Variants in PRKG1 observed in about 807,000 individuals in gnomAD.
PRKG1 encodes the protein protein kinase cGMP-dependent 1.
In PRKG1, 35 loss-of-function variants were observed where a neutral mutation model predicts 88.1. The observed-to-expected ratio is 0.40, with a 90% CI of 0.30 to 0.53. PRKG1 has a LOEUF of 0.53. Among genes scored for constraint, PRKG1 ranks in the 20% least tolerant of loss-of-function variants. The pLI, the probability that PRKG1 is intolerant of heterozygous loss-of-function variation, is 0.59. For synonymous variants in PRKG1, 303 were observed against 292.5 expected, an observed-to-expected ratio of 1.04 and a Z score of -0.37; for missense variants, 540 against 839.8, an observed-to-expected ratio of 0.64 and a Z score of 4.41.
intron 1 of PRKG1, among the ~76,000 whole-genome samples, chr10:51,139,009 A>G (rs544768531): frequency 1.5e-3 from 232 of 151,974 alleles, no homozygotes; most frequent in African/African-American, 5.3e-3. Context: ...GATGAGACCT[A>G]CTCTCCGTGT....
chr10:52,067,668 A>G (rs1846385561), intron 7 of PRKG1, among the ~76,000 whole-genome samples: 1 of 151,878 alleles, frequency 6.6e-6, no homozygotes, highest in South Asian at 2.1e-4. Context: ...AGTCTCTTTC[A>G]CTTTAGTTGA....
chr10:51,212,759 A>G (rs898976925), intron 2 of PRKG1, among the ~76,000 whole-genome samples: 8 of 152,190 alleles, frequency 5.3e-5, no homozygotes, highest in Non-Finnish European at 7.3e-5. Context: ...AATCAAAACC[A>G]CAGTGAGATA....
chr10:51,040,975 C>A (rs1843412805), intron 1 of PRKG1, among the ~76,000 whole-genome samples: 1 of 151,904 alleles, frequency 6.6e-6, no homozygotes, highest in Non-Finnish European at 1.5e-5. Context: ...CCTTTTGTTT[C>A]TTTCTCTTGT....
chr10:51,590,449 A>C (rs1838283212), intron 3 of PRKG1, among the ~76,000 whole-genome samples: 1 of 152,182 alleles, frequency 6.6e-6, no homozygotes, highest in Non-Finnish European at 1.5e-5. Flanking sequence ...TATAAAGAGG[A>C]TATTAATGTT....
chr10:52,272,949 T>C (rs1841771795), intron 12 of PRKG1, among the ~76,000 whole-genome samples: 4 of 152,064 alleles, frequency 2.6e-5, no homozygotes, highest in Admixed American at 2.6e-4. Context: ...CATGGCTCTT[T>C]GGTTTCAAAA....
At chr10:51,270,447 T>C (rs1031051534) in intron 2 of PRKG1, among the ~76,000 whole-genome samples, 1 of 152,142 alleles carries the variant, frequency 6.6e-6, no homozygotes, top group Non-Finnish European at 1.5e-5. Flanking sequence ...CATAGTTAAA[T>C]ACCCCCTTTG....
In PRKG1 at chr10:51,640,201, A is replaced by G. The variant is rs961764511; in HGVS notation, c.593-164384A>G. ...GTACATGGTAGATGGGGGGAAATGA[A>G]GTCTTATTTCAGTGCAGCTGGCCGC... On this transcript the variant is annotated intron_variant, in intron 3 of 17. Transcript: ENST00000373980. Among the ~76,000 whole-genome samples, 15 of 152,280 alleles carry G rather than the reference A, an allele frequency of 9.9e-5. No homozygotes were observed. In the South Asian group the frequency reaches 2.9e-3, roughly 29 times the overall value.
intron 2 of PRKG1, among the ~76,000 whole-genome samples, chr10:51,174,044 A>G (rs1837123864): frequency 6.6e-6 from 1 of 151,894 alleles, no homozygotes; most frequent in South Asian, 2.1e-4. Flanking sequence ...TGACTTAGGG[A>G]GGCAATTAAT....
intron 5 of PRKG1, chr10:51,910,307 T>G (rs1270766235): frequency 6.6e-6 from 1 of 152,166 alleles, no homozygotes; most frequent in Non-Finnish European, 1.5e-5. Context: ...CTGTGTTTGC[T>G]ATTTGTTCCT....
chr10:51,090,165 T>C (rs1268701645), intron 1 of PRKG1, among the ~76,000 whole-genome samples: 1 of 152,222 alleles, frequency 6.6e-6, no homozygotes, highest in Non-Finnish European at 1.5e-5. Context: ...AGCCCAGTGC[T>C]CAAAACATAG....
At chr10:52,028,266 G>A (rs1293212810) in intron 5 of PRKG1, among the ~76,000 whole-genome samples, 2 of 152,056 alleles carry the variant, frequency 1.3e-5, no homozygotes, top group Non-Finnish European at 2.9e-5. Context: ...CTACTTTTCA[G>A]ATGTGTACAG....
At chr10:51,258,070 A>G (rs557803177) in intron 2 of PRKG1, among the ~76,000 whole-genome samples, 2 of 152,304 alleles carry the variant, frequency 1.3e-5, no homozygotes, top group South Asian at 4.1e-4. Context: ...AAATGAATCC[A>G]CAGGGAAGGC....
At chr10:51,772,608 TTTTTTTTGTCTGAG>T (rs1248348898) in intron 3 of PRKG1, among the ~76,000 whole-genome samples, 1 of 152,040 alleles carries the variant, frequency 6.6e-6, no homozygotes, top group East Asian at 1.9e-4. Flanking sequence ...ATCACACATT[TTTTTTTTGTCTGAG>T]TTTTCTGTTT....
At chr10:52,293,656 C>T in intron 17 of PRKG1, 146 bp from the exon 18 acceptor site, 2 of 634,266 alleles carry the variant, frequency 3.2e-6, no homozygotes, top group Non-Finnish European at 5.6e-6. Context: ...CTTGTACTTA[C>T]CACTGTGACC....
chr10:51,675,211 G>T (rs1335967394), intron 3 of PRKG1, among the ~76,000 whole-genome samples: 1 of 152,146 alleles, frequency 6.6e-6, no homozygotes, highest in Non-Finnish European at 1.5e-5. Flanking sequence ...AATCATAAAA[G>T]TGGTTCAAAA....
intron 2 of PRKG1, among the ~76,000 whole-genome samples, chr10:51,281,316 C>T (rs1005683758): frequency 1.3e-5 from 2 of 152,102 alleles, no homozygotes; most frequent in African/African-American, 4.8e-5. Flanking sequence ...GTCAGGGACC[C>T]AGTTGAGGAG....
At chr10:51,445,189 G>A (rs761902462) in intron 2 of PRKG1, among the ~76,000 whole-genome samples, 5 of 151,736 alleles carry the variant, frequency 3.3e-5, no homozygotes, top group Admixed American at 6.6e-5. Flanking sequence ...CTACCATATA[G>A]GAGAGCACAA....
chr10:51,394,590 G>A (rs1191062336), intron 2 of PRKG1, among the ~76,000 whole-genome samples: 1 of 152,192 alleles, frequency 6.6e-6, no homozygotes, highest in African/African-American at 2.4e-5. Context: ...GCTGTTTTAA[G>A]CCCACAAAGT....
intron 5 of PRKG1, among the ~76,000 whole-genome samples, chr10:52,039,420 T>A (rs150313708): frequency 0.024 from 3,608 of 152,044 alleles, 127 homozygotes; most frequent in African/African-American, 0.081. Flanking sequence ...TTACACTTCT[T>A]TTGTGGTGGA....
Sources: gnomAD v4.1 joint callset for allele counts (sites outside exome capture counted in the v4.1 genomes callset) on GRCh38, gnomAD v4.1.1 for gene constraint, MANE v1.5 for transcripts, NCBI Gene and HGNC (gene_info 2026-07-23, HGNC 2026-07-21) for gene names.